The following RMST variants were observed in gnomAD, a reference collection of about 807,000 sequenced individuals.
The protein encoded by RMST is rhabdomyosarcoma 2 associated transcript.
chr12:97,531,054 C>CATAATATAACTA (rs1555233161), intron 11 of RMST, among the ~76,000 whole-genome samples: 9,393 of 147,780 alleles, frequency 0.064, 423 homozygotes, highest in East Asian at 0.19. Context: ...TATAACTAAA[C>CATAATATAACTA]AGCTTTTGAT....
intron 5 of RMST, among the ~76,000 whole-genome samples, chr12:97,486,147 A>G (rs1481316576): frequency 1.3e-5 from 2 of 152,192 alleles, no homozygotes; most frequent in Non-Finnish European, 2.9e-5. Flanking sequence ...AAATACAGGT[A>G]TAGACATTCT....
chr12:97,486,491 T>C (rs1268136934), intron 5 of RMST, among the ~76,000 whole-genome samples: 2 of 152,192 alleles, frequency 1.3e-5, no homozygotes, highest in African/African-American at 4.8e-5. Flanking sequence ...TCTAGAGAAA[T>C]TGGAAACATT....
At chr12:97,497,852 G>A (rs1439582133) in intron 10 of RMST, among the ~76,000 whole-genome samples, 1 of 152,026 alleles carries the variant, frequency 6.6e-6, no homozygotes, top group Non-Finnish European at 1.5e-5. Context: ...GGTTTGTAGG[G>A]GTCCGCTATG....
intron 10 of RMST, among the ~76,000 whole-genome samples, chr12:97,518,953 G>A (rs892120881): frequency 7.3e-5 from 11 of 151,482 alleles, no homozygotes; most frequent in Non-Finnish European, 1.5e-4. Context: ...AAAAAAAAAT[G>A]TTTTTATAGA....
In RMST at chr12:97,551,551, G is replaced by A. The variant is rs1424062449; in HGVS notation, n.1546-8986G>A. Among the ~76,000 whole-genome samples the A allele has an allele frequency of 5.3e-5, 8 of 152,222 alleles. No homozygotes were observed. In the South Asian group the frequency reaches 1.7e-3, roughly 32 times the overall value. ...CCATTCCACTCTTCGCTGAATAAGT[G>A]TATTCTGTTTGGCTTTCAAGCTAGG... On this transcript the variant is annotated intron_variant and non_coding_transcript_variant, in intron 11 of 13. Coordinates refer to ENST00000640149, the Ensembl canonical transcript of RMST.
intron 10 of RMST, among the ~76,000 whole-genome samples, chr12:97,500,382 C>T (rs752031985): frequency 1.3e-5 from 2 of 152,116 alleles, no homozygotes; most frequent in South Asian, 4.2e-4. Flanking sequence ...TCAGGAAGCA[C>T]GAGTGCTTCA....
intron 10 of RMST, among the ~76,000 whole-genome samples, chr12:97,510,588 TTA>T (rs1336405726): frequency 1.4e-4 from 21 of 152,236 alleles, no homozygotes; most frequent in African/African-American, 4.8e-4. Context: ...CAGTAGAATC[TTA>T]GTTATTCTAT....
intron 5 of RMST, among the ~76,000 whole-genome samples, chr12:97,485,669 AT>A (rs1475890584): frequency 6.6e-6 from 1 of 152,244 alleles, no homozygotes; most frequent in Non-Finnish European, 1.5e-5. Flanking sequence ...TATTACCAGC[AT>A]TTTATAAAAT....
At chr12:97,528,669 A>G (rs1881349491) in intron 10 of RMST, among the ~76,000 whole-genome samples, 1 of 152,198 alleles carries the variant, frequency 6.6e-6, no homozygotes. Context: ...TTGAATACAT[A>G]TGTCATTAAT....
At chr12:97,511,908 C>T (rs955391141) in intron 10 of RMST, among the ~76,000 whole-genome samples, 5 of 152,154 alleles carry the variant, frequency 3.3e-5, no homozygotes, top group Admixed American at 1.3e-4. Flanking sequence ...CTATTGGAAA[C>T]AATCTAAATC....
At chr12:97,485,920 A>G (rs761890661) in intron 5 of RMST, among the ~76,000 whole-genome samples, 1 of 152,260 alleles carries the variant, frequency 6.6e-6, no homozygotes, top group Non-Finnish European at 1.5e-5. Flanking sequence ...TCAGCCAACA[A>G]GTCAGAGATC....
At chr12:97,485,425 C>T (rs549074598) in intron 5 of RMST, among the ~76,000 whole-genome samples, 200 of 152,258 alleles carry the variant, frequency 1.3e-3, no homozygotes, top group Non-Finnish European at 2.1e-3. Context: ...AAATTTTACT[C>T]ATGGTAATAT....
chr12:97,560,153 CT>C (rs1884016572), intron 11 of RMST, among the ~76,000 whole-genome samples: 1 of 152,016 alleles, frequency 6.6e-6, no homozygotes, highest in Non-Finnish European at 1.5e-5. Flanking sequence ...ATTTATTGAA[CT>C]GACTGCAGAA....
intron 10 of RMST, among the ~76,000 whole-genome samples, chr12:97,501,452 C>T (rs1315031726): frequency 6.6e-6 from 1 of 152,120 alleles, no homozygotes; most frequent in Non-Finnish European, 1.5e-5. Flanking sequence ...AATAGGTATA[C>T]CACTATATTG....
chr12:97,560,953 C>G (rs560869904), exon 13 of RMST: 1 of 152,408 alleles, frequency 6.6e-6, no homozygotes, highest in East Asian at 1.9e-4. Flanking sequence ...AAAGAAATTA[C>G]CCACACGGAG....
intron 5 of RMST, among the ~76,000 whole-genome samples, chr12:97,467,546 A>G (rs1873343980): frequency 6.6e-6 from 1 of 152,020 alleles, no homozygotes; most frequent in South Asian, 2.1e-4. Context: ...AATTTTTTAG[A>G]GAAGTAAAAT....
chr12:97,465,484 G>T (rs561951088), intron 4 of RMST, among the ~76,000 whole-genome samples: 1 of 152,086 alleles, frequency 6.6e-6, no homozygotes, highest in Admixed American at 6.5e-5. Context: ...CCTTAAAAAC[G>T]GCTAATTGAT....
intron 11 of RMST, among the ~76,000 whole-genome samples, chr12:97,544,711 C>T (rs978670275): frequency 6.6e-6 from 1 of 152,020 alleles, no homozygotes; most frequent in Non-Finnish European, 1.5e-5. Flanking sequence ...CAATCTACTC[C>T]AATCAGTCCA....
chr12:97,513,499 G>A (rs928632268), intron 10 of RMST, among the ~76,000 whole-genome samples: 4 of 152,260 alleles, frequency 2.6e-5, no homozygotes, highest in Admixed American at 6.5e-5. Flanking sequence ...TGGAGAGGGA[G>A]AGTCAACAAA....
Sources: gnomAD v4.1 joint callset for allele counts (sites outside exome capture counted in the v4.1 genomes callset) on GRCh38, gnomAD v4.1.1 for gene constraint, MANE v1.5 for transcripts, NCBI Gene and HGNC (gene_info 2026-07-23, HGNC 2026-07-21) for gene names.